Variants in NCAM2 observed in about 807,000 individuals in gnomAD.
NCAM2 encodes neural cell adhesion molecule 2, also known as N-CAM-2.
In NCAM2, 30 loss-of-function variants were observed where a neutral mutation model predicts 98.1. The observed-to-expected ratio is 0.31, with a 90% CI of 0.23 to 0.41. NCAM2 has a LOEUF of 0.41. NCAM2 is among the 10% of genes least tolerant of loss of function. The pLI is 1.00. For missense variants in NCAM2, 867 were observed against 1,005.8 expected (o/e 0.86, Z 1.87); for synonymous variants, 368 against 342.4 (o/e 1.07, Z -0.83).
chr21:21,480,986 G>A (rs1348627429), intron 15 of NCAM2, among the ~76,000 whole-genome samples: 1 of 152,178 alleles, frequency 6.6e-6, no homozygotes, highest in Non-Finnish European at 1.5e-5. Context: ...CAAATCGTTG[G>A]TTAGATATGT....
intron 5 of NCAM2, among the ~76,000 whole-genome samples, chr21:21,316,573 T>C (rs1171011372): frequency 1.4e-5 from 2 of 145,942 alleles, no homozygotes; most frequent in South Asian, 2.3e-4. Context: ...TCTCACTCTG[T>C]TGCCCATGTT....
chr21:21,323,131 A>C (rs569530699), intron 5 of NCAM2, among the ~76,000 whole-genome samples: 1 of 152,330 alleles, frequency 6.6e-6, no homozygotes, highest in Non-Finnish European at 1.5e-5. Flanking sequence ...GATAGGTAAA[A>C]CATGCATTTT....
At chr21:21,168,293 C>A (rs2068015976) in intron 1 of NCAM2, among the ~76,000 whole-genome samples, 1 of 151,938 alleles carries the variant, frequency 6.6e-6, no homozygotes, top group Admixed American at 6.6e-5. Flanking sequence ...TAGAGGGTAA[C>A]TTCATCAGCT....
chr21:21,285,592 C>G (rs1169842384), intron 3 of NCAM2, among the ~76,000 whole-genome samples: 3 of 151,676 alleles, frequency 2.0e-5, no homozygotes, highest in Non-Finnish European at 4.4e-5. Context: ...GTGACATTTG[C>G]AAAGGTAAAA....
chr21:21,457,413 G>A (rs541962426), intron 12 of NCAM2, among the ~76,000 whole-genome samples: 27 of 152,234 alleles, frequency 1.8e-4, no homozygotes, highest in Non-Finnish European at 2.6e-4. Flanking sequence ...AGGCCGAGGC[G>A]GGCAGATCAT....
intron 1 of NCAM2, among the ~76,000 whole-genome samples, chr21:21,004,865 C>A (rs1296916560): frequency 6.6e-6 from 1 of 152,062 alleles, no homozygotes; most frequent in Non-Finnish European, 1.5e-5. Flanking sequence ...GCATATGGGA[C>A]ATGTCCAAAG....
intron 9 of NCAM2, among the ~76,000 whole-genome samples, chr21:21,407,021 T>G (rs2076752572): frequency 6.6e-6 from 1 of 152,190 alleles, no homozygotes; most frequent in Non-Finnish European, 1.5e-5. Context: ...AGTGTTTATT[T>G]CCTCTGTACA....
chr21:21,110,074 T>C (rs377312906), intron 1 of NCAM2, among the ~76,000 whole-genome samples: 3 of 152,136 alleles, frequency 2.0e-5, no homozygotes, highest in African/African-American at 7.2e-5. Context: ...CCAGTTGGGA[T>C]TACAAAGAAG....
chr21:21,387,518 C>CAAA (rs544931484), intron 9 of NCAM2, among the ~76,000 whole-genome samples: 1 of 147,982 alleles, frequency 6.8e-6, no homozygotes, highest in African/African-American at 2.5e-5. Flanking sequence ...ATATTCAAGA[C>CAAA]AAAAAAAAAA....
chr21:21,211,295 A>T (rs2069652577), intron 1 of NCAM2, among the ~76,000 whole-genome samples: 1 of 152,136 alleles, frequency 6.6e-6, no homozygotes, highest in African/African-American at 2.4e-5. Flanking sequence ...ACTAGGAGAA[A>T]CAAAATACTG....
intron 16 of NCAM2, among the ~76,000 whole-genome samples, chr21:21,514,646 C>T (rs1988608498): frequency 6.6e-6 from 1 of 151,906 alleles, no homozygotes; most frequent in Admixed American, 6.6e-5. Flanking sequence ...CGCATTTTAC[C>T]TTTAGACATA....
chr21:21,036,002 A>T (rs2146241735), intron 1 of NCAM2, among the ~76,000 whole-genome samples: 1 of 152,318 alleles, frequency 6.6e-6, no homozygotes, highest in East Asian at 1.9e-4. Flanking sequence ...TTTGACAGTG[A>T]GTGCTTCCCA....
At chr21:21,486,215 C>A (rs866828875) in intron 15 of NCAM2, among the ~76,000 whole-genome samples, 102 of 142,206 alleles carry the variant, frequency 7.2e-4, no homozygotes, top group African/African-American at 1.5e-3. Flanking sequence ...GAGGCAGGAG[C>A]ATGGCGTGAA....
chr21:21,496,534 C>T (rs1157692996), intron 15 of NCAM2, among the ~76,000 whole-genome samples: 2 of 152,052 alleles, frequency 1.3e-5, no homozygotes, highest in South Asian at 2.1e-4. Context: ...ATGCGTTGTT[C>T]GTGAATATTT....
intron 10 of NCAM2, among the ~76,000 whole-genome samples, chr21:21,411,189 G>A (rs1388123034): frequency 3.2e-5 from 3 of 94,590 alleles, no homozygotes; most frequent in East Asian, 2.9e-4. Flanking sequence ...AATTGGTAAT[G>A]TAATAGTTAT....
chr21:21,035,195 G>A (rs1380979380), intron 1 of NCAM2, among the ~76,000 whole-genome samples: 2 of 152,160 alleles, frequency 1.3e-5, no homozygotes, highest in Non-Finnish European at 2.9e-5. Context: ...ATCAACCTCA[G>A]TCACTCAAAG....
chr21:21,100,653 A>T (rs927133523), intron 1 of NCAM2, among the ~76,000 whole-genome samples: 7 of 152,066 alleles, frequency 4.6e-5, no homozygotes, highest in Non-Finnish European at 1.0e-4. Context: ...AATTTCTAAC[A>T]CTTGAGTCTA....
intron 5 of NCAM2, among the ~76,000 whole-genome samples, chr21:21,301,121 G>A (rs1213674953): frequency 6.6e-6 from 1 of 151,942 alleles, no homozygotes; most frequent in Non-Finnish European, 1.5e-5. Context: ...GTCCCTTAGA[G>A]GCTCTAGATA....
At chr21:21,172,338 A>G (rs984226117) in intron 1 of NCAM2, among the ~76,000 whole-genome samples, 2 of 152,148 alleles carry the variant, frequency 1.3e-5, no homozygotes, top group African/African-American at 4.8e-5. Flanking sequence ...AAACCATAAA[A>G]TGAACTTCCT....
Sources: allele counts gnomAD v4.1 joint callset (sites outside exome capture counted in the v4.1 genomes callset), GRCh38; gene constraint gnomAD v4.1.1; transcripts MANE v1.5; gene names NCBI Gene and HGNC (gene_info 2026-07-23, HGNC 2026-07-21).